The following DPP6 variants were observed in gnomAD, a reference collection of about 807,000 sequenced individuals.
DPP6 encodes dipeptidyl peptidase like 6.
A neutral mutation model predicts 122.6 loss-of-function variants in DPP6; 69 were observed. That is an observed-to-expected ratio of 0.56 (90% CI 0.46 to 0.69). The LOEUF is 0.69. DPP6 is among the 30% of genes least tolerant of loss of function. The pLI, the probability that DPP6 is intolerant of heterozygous loss-of-function variation, is 0.00. For missense variants in DPP6, 928 were observed against 1,116.9 expected (o/e 0.83, Z 2.41); for synonymous variants, 418 against 433.1 (o/e 0.97, Z 0.43).
At chr7:153,829,839 A>C in the DPP6 span, among the ~76,000 whole-genome samples, 3 of 152,048 alleles carry the variant, frequency 2.0e-5, no homozygotes, top group African/African-American at 4.8e-5. Context: ...TGTTTCGGGT[A>C]CTCTTTACCT....
At position 153,932,998 on chromosome 7, in the gene DPP6, C is replaced by T. The variant is rs151254051; in HGVS notation, c.51+45264C>T. On this transcript the variant is annotated intron_variant, in intron 1 of 25. Transcript: ENST00000404039. Reference sequence around the variant, plus strand: ...TCTGATGGTTTTATAAAGGGGAGTTCCCCTGCACACGCTCTCTTGCCTGCC... The same window carrying T: ...TCTGATGGTTTTATAAAGGGGAGTTTCCCTGCACACGCTCTCTTGCCTGCC... 2.8e-3 allele frequency among the ~76,000 whole-genome samples: 430 copies of T among 152,232 alleles called. 2 individuals carry two copies. Among genetic ancestry groups the T allele is most frequent in the African/African-American group, 9.7e-3 (403 of 41,526 alleles).
At chr7:153,985,495 C>A (rs1796799864) in intron 1 of DPP6, among the ~76,000 whole-genome samples, 1 of 152,194 alleles carries the variant, frequency 6.6e-6, no homozygotes, top group Non-Finnish European at 1.5e-5. Context: ...GATCATGTGA[C>A]CAGCCAGCCT....
rs148795401 is a variant in DPP6, at chr7:154,432,338, G to A, written c.244-13876G>A. Among the ~76,000 whole-genome samples, 154 of 152,292 alleles carry A rather than the reference G, an allele frequency of 1.0e-3. 1 individual carries two copies. Among genetic ancestry groups the A allele is most frequent in the African/African-American group, 3.6e-3 (149 of 41,568 alleles). On this transcript the variant is annotated intron_variant, in intron 1 of 25. Transcript: ENST00000377770. The stretch of plus-strand genomic sequence containing the variant: ...ACGCATTCTGGTATGGAATGTGTAT[G>A]TTGCTGTCACTTATTTAATAATAAT...
rs1802080858 is a variant in DPP6 at position 153,949,030 on chromosome 7, T to A, written c.51+61296T>A. Among the ~76,000 whole-genome samples the A allele has an allele frequency of 2.0e-5, 3 of 152,258 alleles. No individual in the cohort carries two copies. In the South Asian group the frequency reaches 6.2e-4, roughly 32 times the overall value. ...GCAAAATGGATATATATAAAACAGATTAATAGACGACTGAATTGCTCCAAA... is the reference window on the plus strand; with the variant it reads ...GCAAAATGGATATATATAAAACAGAATAATAGACGACTGAATTGCTCCAAA... On this transcript the variant is annotated intron_variant, in intron 1 of 25. Transcript: ENST00000404039.
chr7:154,447,812 G>A (rs1048927640), intron 2 of DPP6, among the ~76,000 whole-genome samples: 1 of 152,042 alleles, frequency 6.6e-6, no homozygotes, highest in African/African-American at 2.4e-5. Flanking sequence ...TAGAATAAAG[G>A]GCAAAAAGCA....
chr7:154,090,019 C>A (rs2533641), intron 1 of DPP6, among the ~76,000 whole-genome samples: 2 of 152,206 alleles, frequency 1.3e-5, no homozygotes, highest in East Asian at 1.9e-4. Context: ...ATAAGAAAGA[C>A]AACATCCTTT....
the DPP6 span, among the ~76,000 whole-genome samples, chr7:153,847,065 T>C: frequency 0.045 from 6,851 of 152,302 alleles, 346 homozygotes; most frequent in East Asian, 0.24. Flanking sequence ...TTCAAGTCTA[T>C]AGACTATTGA....
At chr7:153,758,425 T>A in the DPP6 span, among the ~76,000 whole-genome samples, 1 of 151,942 alleles carries the variant, frequency 6.6e-6, no homozygotes, top group South Asian at 2.1e-4. Context: ...TGTGCACATG[T>A]GCATACCCGT....
rs938721912 is a variant in DPP6 at position 154,483,403 on chromosome 7, A to G, written c.457+8366A>G. Among the ~76,000 whole-genome samples the G allele has an allele frequency of 7.6e-6, 1 of 131,568 alleles. No individual in the cohort carries two copies. The highest frequency in any genetic ancestry group is 1.6e-5 in the Non-Finnish European group (1 of 61,650). The allele number at this position is 131,568 out of a possible 152,430, so 86.3% of individuals were successfully genotyped here. A position where few individuals can be genotyped will look rare whatever the true frequency, so the allele number is the denominator to read the frequency against. On this transcript the variant is annotated intron_variant, in intron 3 of 25. Transcript: ENST00000377770. This position sits in a 1 kb window ranked among gnomAD's most constrained non-coding sequence, Gnocchi z 8.1. ...GCACAATACAATTTTTTTTTTTTTA[A>G]AAGCATTTATTTGAGCAAACAGTGA...
intron 5 of DPP6, among the ~76,000 whole-genome samples, chr7:154,575,171 T>C (rs1419987108): frequency 9.9e-6 from 1 of 100,512 alleles, no homozygotes; most frequent in Non-Finnish European, 2.0e-5. Context: ...TGTATGTGTG[T>C]GGGGGGGTAT....
At chr7:154,377,626 C>G (rs538331860) in intron 1 of DPP6, among the ~76,000 whole-genome samples, 2 of 152,086 alleles carry the variant, frequency 1.3e-5, no homozygotes, top group African/African-American at 4.8e-5. Flanking sequence ...GCTGTTTCCC[C>G]CTTCGCTCTC....
chr7:153,887,608 T>A, exon 1 of DPP6: 1 of 1,559,896 alleles, frequency 6.4e-7, no homozygotes, highest in Non-Finnish European at 8.8e-7. Flanking sequence ...CAGTCCAGTC[T>A]ACTTTAATCC....
At chr7:154,374,784 G>T (rs1464755852) in intron 1 of DPP6, among the ~76,000 whole-genome samples, 1 of 151,704 alleles carries the variant, frequency 6.6e-6, no homozygotes, top group African/African-American at 2.4e-5. Flanking sequence ...GCTAATTTTT[G>T]TATTTTTAGT....
chr7:153,991,746 A>G (rs1472832414), intron 1 of DPP6, among the ~76,000 whole-genome samples: 2 of 152,094 alleles, frequency 1.3e-5, no homozygotes, highest in African/African-American at 2.4e-5. Flanking sequence ...GAGTCCACAC[A>G]CTGATGTTCC....
At chr7:154,260,526 C>A (rs936018567) in intron 1 of DPP6, among the ~76,000 whole-genome samples, 1 of 151,734 alleles carries the variant, frequency 6.6e-6, no homozygotes, top group Non-Finnish European at 1.5e-5. Context: ...AGCTTAGCTC[C>A]CATTTATGAG....
chr7:154,387,466 C>A lies in DPP6; in HGVS notation c.244-58748C>A, dbSNP rs1181526221. Among the ~76,000 whole-genome samples, 4 of 152,206 alleles carry A rather than the reference C, an allele frequency of 2.6e-5. No individual in the cohort carries two copies. The East Asian group carries it at 7.7e-4, about 29-fold the overall frequency. On this transcript the variant is annotated intron_variant, in intron 1 of 25. Transcript: ENST00000377770. ...AAGGCTTCCTGGAAGAGGAGACATC[C>A]AAGCCAAGGCTGAAAGAGCAGGAGC...
chr7:154,450,789 C>T (rs1271138785), intron 2 of DPP6, among the ~76,000 whole-genome samples: 2 of 152,208 alleles, frequency 1.3e-5, no homozygotes, highest in Non-Finnish European at 2.9e-5. Context: ...TGATCTCACA[C>T]AGCTGGGGAC....
At chr7:154,060,634 A>AG (rs1415033311) in intron 1 of DPP6, among the ~76,000 whole-genome samples, 1 of 142,334 alleles carries the variant, frequency 7.0e-6, no homozygotes, top group African/African-American at 2.6e-5. Flanking sequence ...CCCCCATCGC[A>AG]GGAGGGGGAG....
intron 16 of DPP6, among the ~76,000 whole-genome samples, chr7:154,826,411 C>T (rs953353002): frequency 1.3e-5 from 2 of 152,118 alleles, no homozygotes; most frequent in Non-Finnish European, 2.9e-5. Context: ...GATTCCTTGG[C>T]CAGTTTCCTT....
Sources: allele counts gnomAD v4.1 joint callset (sites outside exome capture counted in the v4.1 genomes callset), GRCh38; gene constraint gnomAD v4.1.1; non-coding constraint Gnocchi (gnomAD v3.1); transcripts MANE v1.5; gene names NCBI Gene and HGNC (gene_info 2026-07-23, HGNC 2026-07-21).